The following KIF13A variants were observed in gnomAD, a reference collection of about 807,000 sequenced individuals.
KIF13A encodes the protein kinesin-like protein KIF13A.
A neutral mutation model predicts 212.2 loss-of-function variants in KIF13A; 79 were observed. The observed-to-expected ratio is 0.37, with a 90% CI of 0.31 to 0.45. The LOEUF is 0.45. KIF13A is among the 20% of genes least tolerant of loss of function. The probability of loss-of-function intolerance (pLI) is 1.00; values close to 1 mark genes in which losing one functional copy is unlikely to be tolerated. For missense variants in KIF13A, 1,901 were observed against 2,209.0 expected (o/e 0.86, Z 2.79); for synonymous variants, 789 against 808.6 (o/e 0.98, Z 0.41).
At chr6:17,903,205 GTTTC>G (rs1359185092) in intron 2 of KIF13A, among the ~76,000 whole-genome samples, 2 of 152,232 alleles carry the variant, frequency 1.3e-5, no homozygotes, top group African/African-American at 4.8e-5. Flanking sequence ...TTAAATATGG[GTTTC>G]TTTATGGCAG....
At chr6:17,970,167 C>G in intron 2 of KIF13A, among the ~76,000 whole-genome samples, 1 of 152,120 alleles carries the variant, frequency 6.6e-6, no homozygotes, top group East Asian at 1.9e-4. Flanking sequence ...CGTGATCCGC[C>G]CGCCTCAGCC....
chr6:17,929,423 CAG>C (rs1487750611), intron 2 of KIF13A, among the ~76,000 whole-genome samples: 3 of 138,722 alleles, frequency 2.2e-5, no homozygotes, highest in Non-Finnish European at 4.7e-5. Context: ...TTTTTTGAGA[CAG>C]AGTCTCGCTC....
At position 17,764,277 on chromosome 6, in the gene KIF13A, T is replaced by C. The variant is rs745533373; in HGVS notation, c.5251A>G (p.Thr1751Ala). 16 of 1,614,008 alleles carry C rather than the reference T, an allele frequency of 9.9e-6. 1 individual carries two copies. Among genetic ancestry groups the C allele is most frequent in the Middle Eastern group, 3.3e-4 (2 of 6,062 alleles). The change falls in exon 39 of 39, where the codon ACA becomes GCA. Residue 1751 changes from threonine to alanine, a missense_variant. Transcript: ENST00000259711. The surrounding 1 kb of genome is among the most constrained non-coding windows in gnomAD (Gnocchi z 5.1). The stretch of plus-strand genomic sequence containing the variant: ...GAAAGCTCTCCAGCAGAAGAATCTG[T>C]CAAACCATCAAAATCTTTTCCCTCT... Reference protein sequence around the residue: ...VSEGKDFDGLTDSSAGELSSR... With the variant: ...VSEGKDFDGLADSSAGELSSR...
chr6:17,807,215 A>T (rs1444414986), intron 18 of KIF13A, among the ~76,000 whole-genome samples: 1 of 152,142 alleles, frequency 6.6e-6, no homozygotes, highest in Non-Finnish European at 1.5e-5. Context: ...ATAAGGTCTG[A>T]CTGCCTGCAG....
In KIF13A at chr6:17,872,888, G is replaced by A. The variant is rs894993327; in HGVS notation, c.220+489C>T. On this transcript the variant is annotated intron_variant, in intron 4 of 38. Transcript: ENST00000259711. The surrounding 1 kb of genome is among the most constrained non-coding windows in gnomAD (Gnocchi z 4.7). ...TGACCTCAAGTGATCCGCCCACCTC[G>A]GCCTCCCAAAGTGCTGGGATTACAG... Among the ~76,000 whole-genome samples the A allele has an allele frequency of 1.3e-5, 2 of 151,960 alleles. No homozygotes were observed. Among genetic ancestry groups the A allele is most frequent in the Admixed American group, 6.6e-5 (1 of 15,244 alleles).
At chr6:17,905,377 T>G (rs1773403909) in intron 2 of KIF13A, among the ~76,000 whole-genome samples, 1 of 152,136 alleles carries the variant, frequency 6.6e-6, no homozygotes. Context: ...CTTAAAACCA[T>G]GCAAGAGAGA....
chr6:17,970,994 C>T (rs75917412), intron 2 of KIF13A, among the ~76,000 whole-genome samples: 9,872 of 152,214 alleles, frequency 0.065, 361 homozygotes, highest in Middle Eastern at 0.092. Context: ...AATTTTATTT[C>T]GGCTTTTAAA....
Position 17,888,278 on chromosome 6 carries a change from A to C in KIF13A, c.159+9890T>G, listed in dbSNP as rs1771731736. ...GCCTAGGAAACAATTCCTAGGAAAAACGTATAGTGAGAAGGTTATGCTGTC... is the reference window on the plus strand; with the variant it reads ...GCCTAGGAAACAATTCCTAGGAAAACCGTATAGTGAGAAGGTTATGCTGTC... On this transcript the variant is annotated intron_variant, in intron 3 of 38. Transcript: ENST00000259711. The surrounding 1 kb of genome is among the most constrained non-coding windows in gnomAD (Gnocchi z 4.8). 6.6e-6 allele frequency among the ~76,000 whole-genome samples: 1 copy of C among 152,144 alleles called. No homozygotes were observed. The highest frequency in any genetic ancestry group is 2.4e-5 in the African/African-American group (1 of 41,434).
At position 17,976,359 on chromosome 6, in the gene KIF13A, A is replaced by G. The variant is rs994279697; in HGVS notation, c.146+10695T>C. 3.9e-5 allele frequency among the ~76,000 whole-genome samples: 6 copies of G among 152,178 alleles called. No individual in the cohort carries two copies. The East Asian group carries it at 5.8e-4, about 15-fold the overall frequency. On this transcript the variant is annotated intron_variant, in intron 2 of 38. Transcript: ENST00000259711. ...TGTAAGGCAGCTAAGGCCCGGCGAG[A>G]AATCGAGCGCAGCGCCGGTGGGCCG...
chr6:17,808,135 C>T (rs924805564), intron 18 of KIF13A, among the ~76,000 whole-genome samples: 9 of 152,192 alleles, frequency 5.9e-5, no homozygotes, highest in Non-Finnish European at 8.8e-5. Context: ...GCCTGTAATC[C>T]TAGCACTCTG....
chr6:17,976,227 T>C (rs1191490022), intron 2 of KIF13A, among the ~76,000 whole-genome samples: 1 of 152,090 alleles, frequency 6.6e-6, no homozygotes, highest in Non-Finnish European at 1.5e-5. Flanking sequence ...CTGGGCGCGG[T>C]GGAGAAGGGG....
At chr6:17,858,147 G>C (rs1260254091) in intron 4 of KIF13A, among the ~76,000 whole-genome samples, 1 of 150,702 alleles carries the variant, frequency 6.6e-6, no homozygotes, top group Admixed American at 6.6e-5. Context: ...GTGTGAGAGA[G>C]AGAGATCTAC....
chr6:17,961,554 G>A lies in KIF13A; in HGVS notation c.146+25500C>T. Among the ~76,000 whole-genome samples the A allele has an allele frequency of 6.6e-6, 1 of 152,150 alleles. No homozygotes were observed. Among genetic ancestry groups the A allele is most frequent in the Middle Eastern group, 3.2e-3 (1 of 316 alleles). On this transcript the variant is annotated intron_variant, in intron 2 of 38. Coordinates refer to ENST00000259711, the MANE Select transcript of KIF13A (RefSeq NM_022113.6). The surrounding 1 kb of genome is among the most constrained non-coding windows in gnomAD (Gnocchi z 4.1). Reference sequence around the variant, plus strand: ...CATTAAACAAAACAGCCCAGTGACTGTATTTATAGTAGAGATGTTATTGAA... The same window carrying A: ...CATTAAACAAAACAGCCCAGTGACTATATTTATAGTAGAGATGTTATTGAA...
chr6:17,987,237 G>C lies in KIF13A; in HGVS notation c.56-93C>G, dbSNP rs1202580943. 2.6e-5 allele frequency: 29 copies of C among 1,112,220 alleles called. No individual in the cohort carries two copies. The highest frequency in any genetic ancestry group is 3.6e-5 in the Non-Finnish European group (29 of 816,162). The allele number at this position is 1,112,220 out of a possible 1,614,324, so 68.9% of individuals were successfully genotyped here. A position where few individuals can be genotyped will look rare whatever the true frequency, so the allele number is the denominator to read the frequency against. Reference sequence around the variant, plus strand: ...CCGCGCCGAGCGGGGCTCCGTCCCTGGAGGCGGCCGAGCCTGGAGACGGCG... The same window carrying C: ...CCGCGCCGAGCGGGGCTCCGTCCCTCGAGGCGGCCGAGCCTGGAGACGGCG... On this transcript the variant is annotated intron_variant, in intron 1 of 38. Coordinates refer to ENST00000259711, the MANE Select transcript of KIF13A (RefSeq NM_022113.6). The surrounding 1 kb of genome is among the most constrained non-coding windows in gnomAD (Gnocchi z 7.7).
At chr6:17,952,886 C>T (rs549249271) in intron 2 of KIF13A, among the ~76,000 whole-genome samples, 31 of 150,346 alleles carry the variant, frequency 2.1e-4, no homozygotes, top group African/African-American at 6.9e-4. Context: ...GCCGAGATAG[C>T]GCCACTGCAC....
intron 29 of KIF13A, among the ~76,000 whole-genome samples, chr6:17,781,623 G>GTTTTTTTT (rs776138365): frequency 9.3e-6 from 1 of 107,088 alleles, no homozygotes; most frequent in Non-Finnish European, 1.8e-5. Context: ...CTGTACTTGG[G>GTTTTTTTT]TTTTTTTTTT....
In KIF13A at chr6:17,837,199, T is replaced by C. The variant is rs188380067; in HGVS notation, c.943-109A>G. ...ACATTATTCTCTATGAAGGAAACATTATGTGGAAATGGACTTGCATTTCAC... is the reference window on the plus strand; with the variant it reads ...ACATTATTCTCTATGAAGGAAACATCATGTGGAAATGGACTTGCATTTCAC... On this transcript the variant is annotated intron_variant, in intron 10 of 38. Coordinates refer to ENST00000259711, the MANE Select transcript of KIF13A (RefSeq NM_022113.6). The surrounding 1 kb of genome is among the most constrained non-coding windows in gnomAD (Gnocchi z 5.4). 6.3e-3 allele frequency: 6,165 copies of C among 971,260 alleles called. 39 individuals carry two copies. The highest frequency in any genetic ancestry group is 7.3e-3 in the Non-Finnish European group (4,614 of 633,988). The allele number at this position is 971,260 out of a possible 1,614,324, so 60.2% of individuals were successfully genotyped here.
At chr6:17,949,250 A>G (rs1432629518) in intron 2 of KIF13A, among the ~76,000 whole-genome samples, 1 of 152,238 alleles carries the variant, frequency 6.6e-6, no homozygotes, top group Non-Finnish European at 1.5e-5. Context: ...AAGTCGCCAG[A>G]GTGTACCATA....
Position 17,874,967 on chromosome 6 carries a change from T to C in KIF13A, c.160-1530A>G, listed in dbSNP as rs1770379915. ...TAATTCATTCCTTTTTATGGCTAAG[T>C]AGTATTCCACCACACACACACACAC... is the stretch of plus-strand genomic sequence containing the variant. On this transcript the variant is annotated intron_variant, in intron 3 of 38. Coordinates refer to ENST00000259711, the MANE Select transcript of KIF13A (RefSeq NM_022113.6). 1.5e-5 allele frequency among the ~76,000 whole-genome samples: 2 copies of C among 129,894 alleles called. 1 individual carries two copies. The allele number at this position is 129,894 out of a possible 152,430, so 85.2% of individuals were successfully genotyped here. A position where few individuals can be genotyped will look rare whatever the true frequency, so the allele number is the denominator to read the frequency against.
Sources: allele counts gnomAD v4.1 joint callset (sites outside exome capture counted in the v4.1 genomes callset), GRCh38; gene constraint gnomAD v4.1.1; non-coding constraint Gnocchi (gnomAD v3.1); transcripts MANE v1.5; gene names NCBI Gene and HGNC (gene_info 2026-07-23, HGNC 2026-07-21).